HPSE2: variants seen among roughly 807,000 people sequenced by gnomAD.
HPSE2 encodes the protein inactive heparanase-2.
A neutral mutation model predicts 60.5 loss-of-function variants in HPSE2; 38 were observed. The ratio of observed to expected loss-of-function variants is 0.63; its 90% CI spans 0.48 to 0.82. HPSE2 has a LOEUF of 0.82. Ranked by LOEUF, HPSE2 falls within the 40% of genes least tolerant of loss-of-function variation. The probability of loss-of-function intolerance (pLI) is 0.00; values close to 1 mark genes in which losing one functional copy is unlikely to be tolerated. For missense variants in HPSE2, 713 were observed against 740.4 expected (o/e 0.96, Z 0.43); for synonymous variants, 295 against 293.2 (o/e 1.01, Z -0.06).
intron 3 of HPSE2, among the ~76,000 whole-genome samples, chr10:98,774,276 T>C (rs1857070077): frequency 6.6e-6 from 1 of 152,124 alleles, no homozygotes; most frequent in Admixed American, 6.6e-5. Flanking sequence ...CAGTTCTCCT[T>C]GGCAAGACTA....
chr10:98,910,498 T>A (rs1953950059), intron 3 of HPSE2, among the ~76,000 whole-genome samples: 1 of 152,216 alleles, frequency 6.6e-6, no homozygotes, highest in South Asian at 2.1e-4. Context: ...ATATGTTTTA[T>A]GTATTTTTCA....
chr10:98,926,692 A>C (rs1198908273), intron 3 of HPSE2, among the ~76,000 whole-genome samples: 1 of 152,180 alleles, frequency 6.6e-6, no homozygotes, highest in African/African-American at 2.4e-5. Flanking sequence ...TTTCCCACCA[A>C]GCCCACAAGG....
At chr10:99,213,261 G>T (rs1849009553) in intron 2 of HPSE2, among the ~76,000 whole-genome samples, 1 of 151,570 alleles carries the variant, frequency 6.6e-6, no homozygotes, top group Non-Finnish European at 1.5e-5. Flanking sequence ...AAATACTCTT[G>T]GAATAAAATA....
chr10:98,542,616 T>C (rs1419147268), intron 9 of HPSE2, among the ~76,000 whole-genome samples: 1 of 151,180 alleles, frequency 6.6e-6, no homozygotes, highest in East Asian at 1.9e-4. Context: ...GAATAACCAA[T>C]ACAGAGAAGT....
At chr10:99,028,891 G>A (rs1481550731) in intron 3 of HPSE2, among the ~76,000 whole-genome samples, 6 of 152,142 alleles carry the variant, frequency 3.9e-5, no homozygotes, top group South Asian at 2.1e-4. Context: ...GGGGAAAGAC[G>A]GTCTCTTCAA....
chr10:98,768,426 T>C (rs750753176), intron 3 of HPSE2, among the ~76,000 whole-genome samples: 43 of 152,168 alleles, frequency 2.8e-4, no homozygotes, highest in Non-Finnish European at 5.1e-4. Flanking sequence ...GATTTGTTTT[T>C]GTCAGTTTAT....
chr10:98,636,033 G>A (rs1946490193), intron 7 of HPSE2, among the ~76,000 whole-genome samples: 1 of 152,088 alleles, frequency 6.6e-6, no homozygotes, highest in Admixed American at 6.6e-5. Context: ...TAGGAAGGGT[G>A]GGGAGTGGAG....
intron 3 of HPSE2, among the ~76,000 whole-genome samples, chr10:98,938,736 G>A (rs555980767): frequency 7.0e-6 from 1 of 143,030 alleles, no homozygotes; most frequent in Non-Finnish European, 1.5e-5. Context: ...TACAGAGAAC[G>A]CCACAAAGAT....
intron 3 of HPSE2, among the ~76,000 whole-genome samples, chr10:99,100,520 T>C (rs1027655282): frequency 6.6e-6 from 1 of 152,170 alleles, no homozygotes; most frequent in Admixed American, 6.5e-5. Flanking sequence ...ATCTGACTGG[T>C]GTACCTGAAA....
intron 9 of HPSE2, among the ~76,000 whole-genome samples, chr10:98,598,347 G>A (rs1043729501): frequency 1.3e-5 from 2 of 151,452 alleles, no homozygotes; most frequent in South Asian, 2.1e-4. Flanking sequence ...CCTGGTGTAA[G>A]TCCTCAGGGC....
At chr10:98,981,574 T>C (rs564216849) in intron 3 of HPSE2, among the ~76,000 whole-genome samples, 1 of 152,302 alleles carries the variant, frequency 6.6e-6, no homozygotes, top group South Asian at 2.1e-4. Context: ...CTCCTTGTTC[T>C]GTCTCCACTG....
At chr10:98,831,395 C>T (rs547106659) in intron 3 of HPSE2, among the ~76,000 whole-genome samples, 109 of 152,220 alleles carry the variant, frequency 7.2e-4, no homozygotes, top group Admixed American at 3.9e-3. Flanking sequence ...TGCTGTACTA[C>T]GAATCAACTA....
chr10:98,807,896 C>T (rs1444350809), intron 3 of HPSE2, among the ~76,000 whole-genome samples: 1 of 152,060 alleles, frequency 6.6e-6, no homozygotes, highest in African/African-American at 2.4e-5. Context: ...ACAGAAAATA[C>T]CTTTGACTTT....
At chr10:98,462,091 T>C (rs17109925) in intron 11 of HPSE2, among the ~76,000 whole-genome samples, 1 of 152,216 alleles carries the variant, frequency 6.6e-6, no homozygotes, top group South Asian at 2.1e-4. Flanking sequence ...ACCAAAGAAA[T>C]GAAATAAGAA....
intron 2 of HPSE2, among the ~76,000 whole-genome samples, chr10:99,185,916 G>C (rs1303557821): frequency 6.6e-6 from 1 of 151,892 alleles, no homozygotes; most frequent in African/African-American, 2.4e-5. Flanking sequence ...GGAAAAAAGA[G>C]TGAAAAAAAC....
chr10:98,845,959 T>C (rs1167165983), intron 3 of HPSE2, among the ~76,000 whole-genome samples: 4 of 152,194 alleles, frequency 2.6e-5, no homozygotes, highest in Non-Finnish European at 5.9e-5. Context: ...TTCCAAGTAT[T>C]TTCCCCTTGA....
At chr10:99,010,823 T>C (rs1231161397) in intron 3 of HPSE2, among the ~76,000 whole-genome samples, 1 of 152,190 alleles carries the variant, frequency 6.6e-6, no homozygotes, top group Admixed American at 6.5e-5. Flanking sequence ...AATTGCACAA[T>C]TTCAGAACAC....
At chr10:99,018,054 A>G (rs1343969222) in intron 3 of HPSE2, among the ~76,000 whole-genome samples, 1 of 152,164 alleles carries the variant, frequency 6.6e-6, no homozygotes, top group Non-Finnish European at 1.5e-5. Flanking sequence ...GCTCCTTACC[A>G]CCTAACAGTT....
intron 9 of HPSE2, among the ~76,000 whole-genome samples, chr10:98,534,347 AT>A (rs1199864075): frequency 2.6e-5 from 4 of 152,070 alleles, no homozygotes; most frequent in African/African-American, 4.8e-5. Flanking sequence ...ATAACCTGAG[AT>A]TTTTTTCACC....
Sources: gnomAD v4.1 joint callset for allele counts (sites outside exome capture counted in the v4.1 genomes callset) on GRCh38, gnomAD v4.1.1 for gene constraint, MANE v1.5 for transcripts, NCBI Gene and HGNC (gene_info 2026-07-23, HGNC 2026-07-21) for gene names.